Variants in EGFLAM observed in about 807,000 individuals in gnomAD.
EGFLAM encodes the protein EGF like, fibronectin type III and laminin G domains, also known as pikachurin.
A neutral mutation model predicts 113.1 loss-of-function variants in EGFLAM; 79 were observed. That is an observed-to-expected ratio of 0.70 (90% CI 0.58 to 0.84). The LOEUF (loss-of-function observed/expected upper bound fraction) is 0.84, where lower values mean the gene tolerates loss of function less well. Ranked by LOEUF, EGFLAM falls within the 40% of genes least tolerant of loss-of-function variation. The probability of loss-of-function intolerance (pLI) is 0.00; values close to 1 mark genes in which losing one functional copy is unlikely to be tolerated. For synonymous variants in EGFLAM, 504 were observed against 487.6 expected (o/e 1.03, Z -0.44); for missense variants, 1,265 against 1,291.6 (o/e 0.98, Z 0.32).
chr5:38,453,617 C>T (rs1406591244), intron 19 of EGFLAM, among the ~76,000 whole-genome samples: 1 of 152,128 alleles, frequency 6.6e-6, no homozygotes, highest in East Asian at 1.9e-4. Flanking sequence ...CCTCCGTAGC[C>T]TCCCACCCAT....
chr5:38,355,788 T>A (rs1405831382), intron 5 of EGFLAM, among the ~76,000 whole-genome samples: 1 of 152,210 alleles, frequency 6.6e-6, no homozygotes, highest in Non-Finnish European at 1.5e-5. Flanking sequence ...GAGGCAGAGT[T>A]TCACTCTTGT....
chr5:38,344,259 G>T (rs1579798918), intron 3 of EGFLAM, among the ~76,000 whole-genome samples: 1 of 152,222 alleles, frequency 6.6e-6, no homozygotes, highest in East Asian at 1.9e-4. Flanking sequence ...GCTGAGGTGG[G>T]CAGATCACCT....
chr5:38,289,279 C>CG lies in EGFLAM; in HGVS notation c.97+30428_97+30429insG, dbSNP rs917722799. ...GCAATTACTCTTTCTTTCCCCGCCC[C>CG]CACATTTCAGTTTCCAGGTCTTATT... On this transcript the variant is annotated intron_variant, in intron 1 of 21. Coordinates refer to ENST00000322350, the MANE Select transcript of EGFLAM (RefSeq NM_152403.4). Among the ~76,000 whole-genome samples, 4 of 150,860 alleles carry CG rather than the reference C, an allele frequency of 2.7e-5. 1 individual carries two copies. Among genetic ancestry groups the CG allele is most frequent in the African/African-American group, 9.8e-5 (4 of 40,896 alleles).
chr5:38,402,306 A>G (rs769679803), intron 6 of EGFLAM, among the ~76,000 whole-genome samples: 4 of 152,236 alleles, frequency 2.6e-5, no homozygotes, highest in Non-Finnish European at 4.4e-5. Context: ...GACCAAGGAT[A>G]AAATCTAGCC....
intron 6 of EGFLAM, among the ~76,000 whole-genome samples, chr5:38,371,933 C>T (rs1264420938): frequency 6.6e-6 from 1 of 152,128 alleles, no homozygotes. Flanking sequence ...GGTGCTGTGT[C>T]CCCATCCACC....
At chr5:38,401,616 G>A (rs1405335165) in intron 6 of EGFLAM, among the ~76,000 whole-genome samples, 2 of 152,186 alleles carry the variant, frequency 1.3e-5, no homozygotes, top group Non-Finnish European at 2.9e-5. Flanking sequence ...AGCAAGGGCA[G>A]GACATAGTTC....
At chr5:38,406,266 A>T (rs1046006598) in intron 7 of EGFLAM, 25 bp downstream of exon 7, 1 of 1,598,934 alleles carries the variant, frequency 6.3e-7, no homozygotes, top group Non-Finnish European at 8.6e-7. Flanking sequence ...TGCTCTTAAA[A>T]CCCAGGGTGT....
rs181394681 is a variant in EGFLAM at position 38,268,578 on chromosome 5, C to T, written c.97+9727C>T. 2.2e-4 allele frequency among the ~76,000 whole-genome samples: 33 copies of T among 152,274 alleles called. 1 individual carries two copies. The South Asian group carries it at 6.2e-3, about 29-fold the overall frequency. On this transcript the variant is annotated intron_variant, in intron 1 of 21. Transcript: ENST00000322350. ...CCTGAAATGACAAGAGGAAACATCA[C>T]CAAATTTACAGCAGCAGGTTGTATG... is the stretch of plus-strand genomic sequence containing the variant.
intron 1 of EGFLAM, among the ~76,000 whole-genome samples, chr5:38,300,501 G>C (rs1579744566): frequency 6.6e-6 from 1 of 151,706 alleles, no homozygotes; most frequent in Non-Finnish European, 1.5e-5. Context: ...TCAGCCTCCT[G>C]AGCAGCTGGG....
chr5:38,308,441 T>G (rs1048338417), intron 1 of EGFLAM, among the ~76,000 whole-genome samples: 1 of 152,190 alleles, frequency 6.6e-6, no homozygotes, highest in Non-Finnish European at 1.5e-5. Context: ...GGCAACTTGG[T>G]GTCATTGGAA....
chr5:38,366,906 A>C (rs1412994573), intron 5 of EGFLAM, among the ~76,000 whole-genome samples: 1 of 152,240 alleles, frequency 6.6e-6, no homozygotes, highest in Non-Finnish European at 1.5e-5. Context: ...GATTCTAACA[A>C]TGCCAATGGT....
chr5:38,388,873 C>T (rs112207488), intron 6 of EGFLAM, among the ~76,000 whole-genome samples: 1,506 of 150,030 alleles, frequency 0.01, 9 homozygotes, highest in Non-Finnish European at 0.015. Flanking sequence ...CCTGGTTGTG[C>T]CCCTGGACTC....
intron 12 of EGFLAM, among the ~76,000 whole-genome samples, chr5:38,420,387 C>T (rs1741784746): frequency 6.6e-6 from 1 of 152,242 alleles, no homozygotes; most frequent in East Asian, 1.9e-4. Flanking sequence ...CAAAATCCAT[C>T]TTCTTTCTGT....
intron 1 of EGFLAM, among the ~76,000 whole-genome samples, chr5:38,316,798 C>A (rs1477995295): frequency 6.6e-6 from 1 of 152,150 alleles, no homozygotes; most frequent in Non-Finnish European, 1.5e-5. Flanking sequence ...CTTGCCAGGC[C>A]AGTCTGCTCC....
At chr5:38,410,232 A>G (rs1402266011) in intron 10 of EGFLAM, among the ~76,000 whole-genome samples, 1 of 152,248 alleles carries the variant, frequency 6.6e-6, no homozygotes, top group African/African-American at 2.4e-5. Context: ...CACTTGGGCT[A>G]GAAAATGGGC....
chr5:38,456,664 T>C (rs2731968), intron 19 of EGFLAM, among the ~76,000 whole-genome samples: 37,880 of 152,112 alleles, frequency 0.25, 8,865 homozygotes, highest in African/African-American at 0.62. Flanking sequence ...AAAGGAATGA[T>C]CTATGGTGCT....
chr5:38,379,828 GAAA>G (rs34833258), intron 6 of EGFLAM, among the ~76,000 whole-genome samples: 71 of 140,220 alleles, frequency 5.1e-4, no homozygotes, highest in African/African-American at 1.6e-3. Context: ...CAGGCAAAAG[GAAA>G]AAAAAAAAAA....
intron 5 of EGFLAM, among the ~76,000 whole-genome samples, chr5:38,355,842 C>A (rs1029218216): frequency 1.3e-5 from 2 of 152,174 alleles, no homozygotes; most frequent in African/African-American, 4.8e-5. Context: ...CTCACTGCAA[C>A]CTCTGCCTCC....
intron 1 of EGFLAM, among the ~76,000 whole-genome samples, chr5:38,329,029 G>A (rs994015763): frequency 2.6e-5 from 4 of 151,974 alleles, no homozygotes; most frequent in African/African-American, 4.8e-5. Flanking sequence ...GGCTCATGCC[G>A]TAATCCCACA....
Sources: allele counts gnomAD v4.1 joint callset (sites outside exome capture counted in the v4.1 genomes callset), GRCh38; gene constraint gnomAD v4.1.1; transcripts MANE v1.5; gene names NCBI Gene and HGNC (gene_info 2026-07-23, HGNC 2026-07-21).